The following LAYN variants were observed in gnomAD, a reference collection of about 807,000 sequenced individuals.
LAYN encodes the protein layilin.
A neutral mutation model predicts 43.6 loss-of-function variants in LAYN; 38 were observed. The observed-to-expected ratio is 0.87, with a 90% CI of 0.67 to 1.14. LAYN has a LOEUF of 1.14. Ranked by LOEUF, LAYN falls within the 50% of genes most tolerant of loss-of-function variation. The pLI is 0.00. For missense variants in LAYN, 479 were observed against 463.8 expected, an observed-to-expected ratio of 1.03 and a Z score of -0.30; for synonymous variants, 168 against 172.9, an observed-to-expected ratio of 0.97 and a Z score of 0.22.
intron 4 of LAYN, among the ~76,000 whole-genome samples, chr11:111,554,880 A>C (rs757254926): frequency 3.3e-5 from 5 of 152,244 alleles, no homozygotes; most frequent in Non-Finnish European, 7.3e-5. Flanking sequence ...TGAGACCAAA[A>C]AAAATGAGCC....
chr11:111,540,529 A>C, upstream of LAYN: 2 of 426,436 alleles, frequency 4.7e-6, no homozygotes, highest in Non-Finnish European at 4.2e-6. Context: ...CTCCCAGGGA[A>C]GCTCGGAGGG....
At chr11:111,557,789 G>C (rs570132681) in intron 6 of LAYN, 146 bp downstream of exon 6, 41 of 724,998 alleles carry the variant, frequency 5.7e-5, no homozygotes, top group Admixed American at 5.2e-4. Flanking sequence ...GACAGGTCAG[G>C]GCATTCAGAA....
rs1384022698 is a variant in LAYN at position 111,540,879 on chromosome 11, G to A, written c.36G>A (p.Leu12=). ...RPGTALQAVL[L]AVLLVGLRAA... is the part of the protein sequence containing the mutation. ...GAACCGCGCTACAGGCCGTGCTGCTGGCCGTGCTGCTGGTGGGGCTGCGGG... is the reference window on the plus strand; with the variant it reads ...GAACCGCGCTACAGGCCGTGCTGCTAGCCGTGCTGCTGGTGGGGCTGCGGG... The change falls in exon 1 of 7, where the codon CTG becomes CTA. Residue 12 remains leucine, a synonymous_variant. Coordinates refer to ENST00000375614, the MANE Select transcript of LAYN (RefSeq NM_178834.5). The A allele has an allele frequency of 2.0e-6, 3 of 1,532,306 alleles. No homozygotes were observed. Among genetic ancestry groups the A allele is most frequent in the Non-Finnish European group, 2.6e-6 (3 of 1,145,702 alleles). The allele number at this position is 1,532,306 out of a possible 1,614,324, so 94.9% of individuals were successfully genotyped here.
chr11:111,545,076 T>TATATATATA (rs35836917), intron 2 of LAYN, among the ~76,000 whole-genome samples: 2 of 145,712 alleles, frequency 1.4e-5, no homozygotes, highest in African/African-American at 2.7e-5. Flanking sequence ...ATATATATAT[T>TATATATATA]TTTTACCTAT....
rs138041078 is a variant in LAYN, at chr11:111,561,064, A to G, written c.*606A>G. On this transcript the variant is annotated 3_prime_UTR_variant, in exon 7 of 7. Coordinates refer to ENST00000375614, the MANE Select transcript of LAYN (RefSeq NM_178834.5). ...GACTTGGAAATATCTAACTACTTGC[A>G]AAACTAAAAATGAGGCCAGGCGCAG... 1 of 152,764 alleles carries G rather than the reference A, an allele frequency of 6.5e-6. No individual in the cohort carries two copies. Among genetic ancestry groups the G allele is most frequent in the East Asian group, 1.9e-4 (1 of 5,176 alleles). The allele number at this position is 152,764 out of a possible 1,614,324, so 9.5% of individuals were successfully genotyped here.
chr11:111,541,222 G>T (rs1867530941), intron 1 of LAYN: 1 of 591,740 alleles, frequency 1.7e-6, no homozygotes, highest in Non-Finnish European at 3.0e-6. Flanking sequence ...GGGGCAGTGG[G>T]CAAACCTGCC....
intron 2 of LAYN, among the ~76,000 whole-genome samples, chr11:111,544,959 A>G (rs1049832227): frequency 2.6e-5 from 4 of 151,988 alleles, no homozygotes; most frequent in African/African-American, 9.7e-5. Flanking sequence ...ATGGTAAACA[A>G]TCATATGGGG....
intron 2 of LAYN, among the ~76,000 whole-genome samples, chr11:111,546,697 C>T (rs948615630): frequency 7.2e-5 from 11 of 152,218 alleles, no homozygotes; most frequent in South Asian, 2.1e-4. Context: ...CATCTTACAA[C>T]GGATCTATTC....
chr11:111,540,762 C>A lies in LAYN; in HGVS notation c.-82C>A. 1 of 1,341,088 alleles carries A rather than the reference C, an allele frequency of 7.5e-7. No individual in the cohort carries two copies. The highest frequency in any genetic ancestry group is 9.9e-7 in the Non-Finnish European group (1 of 1,005,326). 83.1% of individuals were successfully genotyped at this position (1,341,088 alleles called of 1,614,324 possible). On this transcript the variant is annotated 5_prime_UTR_variant, in exon 1 of 7. Coordinates refer to ENST00000375614, the MANE Select transcript of LAYN (RefSeq NM_178834.5). ...CCTAGAGATGCTGCTGCCGCGGTTG[C>A]AGTTGTCGCGCACGCCTCTGCCCGC...
At chr11:111,541,531 C>T in intron 1 of LAYN, 1 of 1,535,118 alleles carries the variant, frequency 6.5e-7, no homozygotes, top group Non-Finnish European at 8.7e-7. Flanking sequence ...GAATGACTCT[C>T]TGCTTCCTTC....
intron 3 of LAYN, among the ~76,000 whole-genome samples, chr11:111,551,847 A>G (rs1259143319): frequency 6.6e-6 from 1 of 152,188 alleles, no homozygotes; most frequent in Non-Finnish European, 1.5e-5. Context: ...AGATTAGAAA[A>G]TAGTATTGCA....
At chr11:111,558,017 A>G (rs1205744819) in intron 6 of LAYN, among the ~76,000 whole-genome samples, 1 of 152,232 alleles carries the variant, frequency 6.6e-6, no homozygotes, top group Non-Finnish European at 1.5e-5. Flanking sequence ...GCCATATGAA[A>G]AATGACTGCT....
chr11:111,541,456 T>G, intron 1 of LAYN: 344 of 1,128,776 alleles, frequency 3.0e-4, no homozygotes, highest in Non-Finnish European at 4.0e-4. Flanking sequence ...GCGCCCGGTA[T>G]GAGAGCGCTT....
chr11:111,548,164 A>G (rs575727749), intron 2 of LAYN, among the ~76,000 whole-genome samples: 2 of 152,122 alleles, frequency 1.3e-5, no homozygotes, highest in African/African-American at 4.8e-5. Flanking sequence ...ATTAATGTCA[A>G]CTTGCACCCT....
chr11:111,556,525 C>A (rs960954952), intron 5 of LAYN, among the ~76,000 whole-genome samples: 6 of 152,196 alleles, frequency 3.9e-5, no homozygotes, highest in Non-Finnish European at 7.3e-5. Flanking sequence ...ATAACAAATT[C>A]ACTCCTATTA....
intron 2 of LAYN, among the ~76,000 whole-genome samples, chr11:111,545,074 A>ATATTTTTTTT (rs1170875315): frequency 6.7e-6 from 1 of 148,390 alleles, no homozygotes; most frequent in African/African-American, 2.5e-5. Flanking sequence ...ATATATATAT[A>ATATTTTTTTT]TTTTTTACCT....
At chr11:111,547,965 G>A (rs943783686) in intron 2 of LAYN, among the ~76,000 whole-genome samples, 3 of 152,110 alleles carry the variant, frequency 2.0e-5, no homozygotes, top group Non-Finnish European at 4.4e-5. Context: ...GCCCATCATA[G>A]GCCAAGGAAC....
Position 111,560,565 on chromosome 11 carries a change from C to T in LAYN, c.*107C>T. 1.6e-6 allele frequency: 2 copies of T among 1,278,998 alleles called. No individual in the cohort carries two copies. Among genetic ancestry groups the T allele is most frequent in the Admixed American group, 2.6e-5 (1 of 38,258 alleles). 79.2% of individuals were successfully genotyped at this position (1,278,998 alleles called of 1,614,324 possible). A position where few individuals can be genotyped will look rare whatever the true frequency, so the allele number is the denominator to read the frequency against. On this transcript the variant is annotated 3_prime_UTR_variant, in exon 7 of 7. Coordinates refer to ENST00000375614, the MANE Select transcript of LAYN (RefSeq NM_178834.5). ...AGAAGGTCTATGAACAAGCTTAGAT[C>T]AGGTCCTGTGGATGAGCATGTGGTC...
chr11:111,557,226 TG>T (rs1482604479), intron 5 of LAYN, among the ~76,000 whole-genome samples: 1 of 152,180 alleles, frequency 6.6e-6, no homozygotes, highest in Non-Finnish European at 1.5e-5. Flanking sequence ...TTCTGATATT[TG>T]GAAGACCTAA....
Sources: allele counts gnomAD v4.1 joint callset (sites outside exome capture counted in the v4.1 genomes callset), GRCh38; gene constraint gnomAD v4.1.1; transcripts MANE v1.5; gene names NCBI Gene and HGNC (gene_info 2026-07-23, HGNC 2026-07-21).